SNTB2: variants seen among roughly 807,000 people sequenced by gnomAD.
The protein encoded by SNTB2 is syntrophin beta 2, also known as beta-2-syntrophin.
In SNTB2, 34 loss-of-function variants were observed where a neutral mutation model predicts 46.2. The ratio of observed to expected loss-of-function variants is 0.74; its 90% CI spans 0.56 to 0.98. SNTB2 has a LOEUF of 0.98. Ranked by LOEUF, SNTB2 falls within the 50% of genes least tolerant of loss-of-function variation. The pLI, the probability that SNTB2 is intolerant of heterozygous loss-of-function variation, is 0.00. For synonymous variants in SNTB2, 290 were observed against 312.6 expected (o/e 0.93, Z 0.76); for missense variants, 603 against 731.4 (o/e 0.82, Z 2.02).
chr16:69,300,800 A>AG (rs775100959), intron 6 of SNTB2, 32 bp from the exon 7 acceptor site: 2 of 1,339,844 alleles, frequency 1.5e-6, no homozygotes, highest in South Asian at 2.3e-5. Flanking sequence ...TATGGTAGTG[A>AG]GGTAGTGATG....
chr16:69,285,022 T>G (rs137894907), intron 5 of SNTB2, among the ~76,000 whole-genome samples: 43 of 152,330 alleles, frequency 2.8e-4, no homozygotes, highest in Admixed American at 7.2e-4. Context: ...ACCATAGAGC[T>G]TAGGTGTATA....
intron 1 of SNTB2, among the ~76,000 whole-genome samples, chr16:69,222,541 T>C (rs1020079279): frequency 4.0e-5 from 6 of 148,350 alleles, no homozygotes; most frequent in African/African-American, 5.0e-5. Context: ...TGCAGTAAGC[T>C]GAGATCATGC....
In SNTB2 at chr16:69,301,101, C is replaced by G; in HGVS notation, c.*177C>G. 1 of 551,284 alleles carries G rather than the reference C, an allele frequency of 1.8e-6. No individual in the cohort carries two copies. The highest frequency in any genetic ancestry group is 3.3e-6 in the Non-Finnish European group (1 of 305,994). 34.1% of individuals were successfully genotyped at this position (551,284 alleles called of 1,614,324 possible). A position where few individuals can be genotyped will look rare whatever the true frequency, so the allele number is the denominator to read the frequency against. On this transcript the variant is annotated 3_prime_UTR_variant, in exon 7 of 7. Coordinates refer to ENST00000336278, the MANE Select transcript of SNTB2 (RefSeq NM_006750.4). Reference sequence around the variant, plus strand: ...GAAGAGCCTACCTTTCACAGTCTACCTTGGCCAGATATTCTAGCACTCTAA... The same window carrying G: ...GAAGAGCCTACCTTTCACAGTCTACGTTGGCCAGATATTCTAGCACTCTAA...
chr16:69,293,572 A>T (rs1965194853), intron 5 of SNTB2, among the ~76,000 whole-genome samples: 1 of 152,210 alleles, frequency 6.6e-6, no homozygotes, highest in Non-Finnish European at 1.5e-5. Flanking sequence ...CTGAGTAGAC[A>T]GCTCTTTCAA....
chr16:69,251,950 A>G (rs929554173), intron 2 of SNTB2, among the ~76,000 whole-genome samples: 1 of 152,144 alleles, frequency 6.6e-6, no homozygotes, highest in African/African-American at 2.4e-5. Context: ...AATAAAATAA[A>G]CTGCCAGACT....
intron 1 of SNTB2, chr16:69,235,708 C>G: frequency 7.8e-7 from 1 of 1,286,162 alleles, no homozygotes; most frequent in Non-Finnish European, 1.0e-6. Flanking sequence ...ATCCCCAGGG[C>G]TAACAACATA....
chr16:69,241,926 C>T lies in SNTB2; in HGVS notation c.581-3676C>T, dbSNP rs1384819136. 32 of 88,284 alleles carry T rather than the reference C, an allele frequency of 3.6e-4. 1 individual carries two copies. Among genetic ancestry groups the T allele is most frequent in the African/African-American group, 1.7e-3 (25 of 14,428 alleles). The allele number at this position is 88,284 out of a possible 1,614,324, so 5.5% of individuals were successfully genotyped here. A position where few individuals can be genotyped will look rare whatever the true frequency, so the allele number is the denominator to read the frequency against. On this transcript the variant is annotated intron_variant, in intron 1 of 6. Coordinates refer to ENST00000336278, the MANE Select transcript of SNTB2 (RefSeq NM_006750.4). ...CCTGGGTGATAGAGCCAGACCTTGT[C>T]TCAAAAAAAAAAAAAAAAAAAAAAA... is the stretch of plus-strand genomic sequence containing the variant.
chr16:69,262,791 C>G lies in SNTB2; in HGVS notation c.1005+2531C>G, dbSNP rs150712803. The stretch of plus-strand genomic sequence containing the variant: ...TCCCAAGTTCAAGCGATTCCCCTGC[C>G]TCAGCCTCCCGAGTAGCTGGGATTA... On this transcript the variant is annotated intron_variant, in intron 3 of 6. Transcript: ENST00000336278. Among the ~76,000 whole-genome samples, 167 of 152,242 alleles carry G rather than the reference C, an allele frequency of 1.1e-3. 2 individuals carry two copies. Among genetic ancestry groups the G allele is most frequent in the African/African-American group, 3.6e-3 (150 of 41,542 alleles).
At chr16:69,260,499 C>G (rs1248368354) in intron 3 of SNTB2, among the ~76,000 whole-genome samples, 2 of 152,148 alleles carry the variant, frequency 1.3e-5, no homozygotes, top group Non-Finnish European at 1.5e-5. Context: ...CATACTATTA[C>G]TAAAGAAGTT....
intron 5 of SNTB2, among the ~76,000 whole-genome samples, chr16:69,284,533 G>C (rs1307384010): frequency 6.7e-6 from 1 of 149,290 alleles, no homozygotes; most frequent in Non-Finnish European, 1.5e-5. Context: ...CAGAGCTTTG[G>C]GAGGCCGAGG....
intron 1 of SNTB2, among the ~76,000 whole-genome samples, chr16:69,225,084 C>G (rs1388506005): frequency 6.6e-6 from 1 of 152,176 alleles, no homozygotes; most frequent in African/African-American, 2.4e-5. Flanking sequence ...TTAATTCTGC[C>G]TATTTGGTCT....
chr16:69,292,376 ATATTATATATATAT>A (rs1965171690), intron 5 of SNTB2, among the ~76,000 whole-genome samples: 6 of 39,608 alleles, frequency 1.5e-4, no homozygotes, highest in African/African-American at 6.9e-4. Flanking sequence ...ATATATATAT[ATATTATATATATAT>A]TATATATATA....
chr16:69,271,442 C>T (rs1964936959), intron 4 of SNTB2, among the ~76,000 whole-genome samples: 1 of 152,176 alleles, frequency 6.6e-6, no homozygotes. Context: ...TAAATTATAA[C>T]CTCCTTGCAG....
At chr16:69,253,976 G>T (rs1964749966) in intron 2 of SNTB2, among the ~76,000 whole-genome samples, 1 of 152,096 alleles carries the variant, frequency 6.6e-6, no homozygotes, top group Admixed American at 6.6e-5. Flanking sequence ...TGCTAAGTAG[G>T]TCAGTAGGAG....
chr16:69,279,617 C>T (rs927835238), intron 4 of SNTB2, among the ~76,000 whole-genome samples: 1 of 149,088 alleles, frequency 6.7e-6, no homozygotes, highest in African/African-American at 2.5e-5. Context: ...ACTCCGCCTC[C>T]CGGGTTCACG....
rs779992462 is a variant in SNTB2, at chr16:69,260,220, G to A, written c.965G>A (p.Gly322Asp). ...CTTGGGGCAACCAGTACAGCAGGAG[G>A]CAGTAAAGAGGTGAAGCATATTGCC... is the stretch of plus-strand genomic sequence containing the variant. Reference protein sequence around the residue: ...AMLGATSTAGGSKEVKHIAWL... With the variant: ...AMLGATSTAGDSKEVKHIAWL... The change falls in exon 3 of 7, where the codon GGC becomes GAC. Residue 322 changes from glycine to aspartate, a missense_variant. Around this residue, in one of 2 missense-constraint regions of SNTB2, gnomAD observed 537 missense variants for 692.4 expected, o/e 0.78. Coordinates refer to ENST00000336278, the MANE Select transcript of SNTB2 (RefSeq NM_006750.4). The A allele has an allele frequency of 6.2e-6, 10 of 1,614,160 alleles. No homozygotes were observed. Among genetic ancestry groups the A allele is most frequent in the Non-Finnish European group, 7.6e-6 (9 of 1,180,026 alleles).
At chr16:69,281,599 C>CCAGCA (rs1644967630) in intron 4 of SNTB2, among the ~76,000 whole-genome samples, 1 of 151,356 alleles carries the variant, frequency 6.6e-6, no homozygotes, top group Non-Finnish European at 1.5e-5. Flanking sequence ...GCCTGTAATC[C>CCAGCA]CAGCACTTTG....
intron 1 of SNTB2, among the ~76,000 whole-genome samples, chr16:69,217,464 C>A (rs1964360417): frequency 6.6e-6 from 1 of 152,054 alleles, no homozygotes; most frequent in South Asian, 2.1e-4. Context: ...TAGAGCAAGA[C>A]CCTGTCTCAA....
At chr16:69,217,470 C>G (rs1964360501) in intron 1 of SNTB2, among the ~76,000 whole-genome samples, 1 of 152,074 alleles carries the variant, frequency 6.6e-6, no homozygotes, top group South Asian at 2.1e-4. Context: ...AAGACCCTGT[C>G]TCAAAAAAAT....
Sources: allele counts gnomAD v4.1 joint callset (sites outside exome capture counted in the v4.1 genomes callset), GRCh38; gene constraint gnomAD v4.1.1; regional missense constraint gnomAD v4.1.1; transcripts MANE v1.5; gene names NCBI Gene and HGNC (gene_info 2026-07-23, HGNC 2026-07-21).